Variants in YEATS2 observed in about 807,000 individuals in gnomAD.
YEATS2 encodes YEATS domain containing 2.
In YEATS2, 77 loss-of-function variants were observed where a neutral mutation model predicts 163.2. The observed-to-expected ratio is 0.47, with a 90% confidence interval of 0.39 to 0.57. The LOEUF (loss-of-function observed/expected upper bound fraction) is 0.57. Among genes scored for constraint, YEATS2 ranks in the 20% least tolerant of loss-of-function variants. YEATS2 has a pLI of 0.00. For missense variants in YEATS2, 1,549 were observed against 1,729.8 expected, an observed-to-expected ratio of 0.90 and a Z score of 1.85; for synonymous variants, 631 against 645.1, an observed-to-expected ratio of 0.98 and a Z score of 0.33.
At chr3:183,748,035 G>A (rs1719741788) in intron 9 of YEATS2, among the ~76,000 whole-genome samples, 1 of 151,672 alleles carries the variant, frequency 6.6e-6, no homozygotes, top group South Asian at 2.1e-4. Flanking sequence ...AAAAATTAGT[G>A]TTAGTTTTTT....
At chr3:183,712,761 C>A (rs936511633) in intron 1 of YEATS2, among the ~76,000 whole-genome samples, 2 of 134,172 alleles carry the variant, frequency 1.5e-5, no homozygotes, top group East Asian at 2.4e-4. Flanking sequence ...AATACTAATA[C>A]AAATTTTTTT....
In YEATS2 at chr3:183,810,883, A is replaced by C; in HGVS notation, c.*300A>C. 2.9e-6 allele frequency: 1 copy of C among 346,414 alleles called. No homozygotes were observed. The highest frequency in any genetic ancestry group is 5.5e-6 in the Non-Finnish European group (1 of 182,082). The allele number at this position is 346,414 out of a possible 1,614,324, so 21.5% of individuals were successfully genotyped here. On this transcript the variant is annotated 3_prime_UTR_variant, in exon 31 of 31. Transcript: ENST00000305135. ...GAGAGCGGGCCAGGCCGTGTGCCTC[A>C]GGCCCTTCTCCCTGGGTGTGCTTAA...
intron 4 of YEATS2, among the ~76,000 whole-genome samples, chr3:183,721,296 C>T (rs1394491315): frequency 6.6e-6 from 1 of 152,172 alleles, no homozygotes; most frequent in Admixed American, 6.5e-5. Flanking sequence ...TTTAATAACA[C>T]AGTTTTTAAA....
chr3:183,717,596 TA>T, intron 2 of YEATS2, 54 bp from the exon 3 acceptor site: 1 of 1,317,750 alleles, frequency 7.6e-7, no homozygotes, highest in Non-Finnish European at 1.0e-6. Flanking sequence ...CTGACTTAAA[TA>T]AAGACAGTCA....
Position 183,786,214 on chromosome 3 carries a change from A to C in YEATS2, c.2826A>C (p.Gly942=). ...CCACCTCACAGCTCTCGAAGCCTGG[A>C]ACCACAATGCTGAGAGTAGCAGGAG... ...VPATSQLSKP[G]TTMLRVAGGV... is the part of the protein sequence containing the mutation. Residue 942 remains glycine (G), a synonymous_variant, in exon 20 of 31, where the codon GGA becomes GGC. Coordinates refer to ENST00000305135, the MANE Select transcript of YEATS2 (RefSeq NM_018023.5). 1 of 1,614,178 alleles carries C rather than the reference A, an allele frequency of 6.2e-7. No individual in the cohort carries two copies. Among genetic ancestry groups the C allele is most frequent in the Non-Finnish European group, 8.5e-7 (1 of 1,180,028 alleles).
intron 10 of YEATS2, 51 bp downstream of exon 10, chr3:183,752,304 C>G (rs1337914722): frequency 6.2e-7 from 1 of 1,604,314 alleles, no homozygotes. Context: ...ATTCCTTTCC[C>G]ATTTGCTGCT....
intron 15 of YEATS2, among the ~76,000 whole-genome samples, chr3:183,764,916 A>T (rs1373091926): frequency 6.6e-6 from 1 of 152,346 alleles, no homozygotes; most frequent in Non-Finnish European, 1.5e-5. Flanking sequence ...GCTGATAGCT[A>T]CCTAGGCCAC....
intron 15 of YEATS2, among the ~76,000 whole-genome samples, chr3:183,770,870 G>A (rs907507145): frequency 1.3e-4 from 20 of 151,832 alleles, no homozygotes; most frequent in African/African-American, 4.8e-4. Flanking sequence ...ATGACCTTTC[G>A]TTGTCTGTTT....
chr3:183,747,485 ATGTC>A (rs1177774781), intron 8 of YEATS2, among the ~76,000 whole-genome samples, 183 bp from the exon 9 acceptor site: 1 of 152,084 alleles, frequency 6.6e-6, no homozygotes, highest in Non-Finnish European at 1.5e-5. Context: ...TAGTAACTAT[ATGTC>A]TGAGGTTTTT....
rs554652908 is a variant in YEATS2 at position 183,717,533 on chromosome 3, A to G, written c.101-118A>G. Reference sequence around the variant, plus strand: ...TCATCACTTGGTTAAGGTGATGTCCACTAGGTTTCTCCACTTTAGAGTTAC... The same window carrying G: ...TCATCACTTGGTTAAGGTGATGTCCGCTAGGTTTCTCCACTTTAGAGTTAC... On this transcript the variant is annotated intron_variant, in intron 2 of 30. Transcript: ENST00000305135. 1.5e-3 allele frequency: 1,006 copies of G among 692,974 alleles called. 1 individual carries two copies. The highest frequency in any genetic ancestry group is 2.1e-3 in the Non-Finnish European group (883 of 420,314). The allele number at this position is 692,974 out of a possible 1,614,324, so 42.9% of individuals were successfully genotyped here.
At position 183,811,600 on chromosome 3, in the gene YEATS2, G is replaced by A. The variant is rs927934946; in HGVS notation, c.*1017G>A. ...GTAACTGCCCATGCCCAGAAATAAGGATGCCAGTGCCCAGAAGCAGTGAGA... is the reference window on the plus strand; with the variant it reads ...GTAACTGCCCATGCCCAGAAATAAGAATGCCAGTGCCCAGAAGCAGTGAGA... On this transcript the variant is annotated 3_prime_UTR_variant, in exon 31 of 31. Coordinates refer to ENST00000305135, the MANE Select transcript of YEATS2 (RefSeq NM_018023.5). 1 of 152,616 alleles carries A rather than the reference G, an allele frequency of 6.6e-6. No individual in the cohort carries two copies. The highest frequency in any genetic ancestry group is 2.4e-5 in the African/African-American group (1 of 41,442). The allele number at this position is 152,616 out of a possible 1,614,324, so 9.5% of individuals were successfully genotyped here.
intron 17 of YEATS2, among the ~76,000 whole-genome samples, chr3:183,775,186 A>G (rs566268299): frequency 7.5e-4 from 115 of 152,332 alleles, no homozygotes; most frequent in African/African-American, 2.5e-3. Context: ...TTCCTGAGAC[A>G]GGGAGACAAC....
intron 22 of YEATS2, 82 bp downstream of exon 22, chr3:183,798,133 T>TG: frequency 6.3e-7 from 1 of 1,578,318 alleles, no homozygotes; most frequent in Non-Finnish European, 8.6e-7. Context: ...CTGCTCTGCC[T>TG]GTGTACAGCC....
intron 2 of YEATS2, 114 bp downstream of exon 2, chr3:183,715,376 C>T (rs1285564387): frequency 1.4e-5 from 10 of 732,296 alleles, no homozygotes; most frequent in South Asian, 1.1e-4. Context: ...TGAAGGGGTT[C>T]GTGAGAGAGA....
chr3:183,808,901 T>TC, intron 29 of YEATS2, 196 bp from the exon 30 acceptor site: 1 of 546,870 alleles, frequency 1.8e-6, no homozygotes, highest in Non-Finnish European at 3.3e-6. Context: ...TGAAAATCAC[T>TC]CCAATTCATA....
At chr3:183,758,477 T>C (rs767555636) in intron 12 of YEATS2, among the ~76,000 whole-genome samples, 21 of 152,358 alleles carry the variant, frequency 1.4e-4, no homozygotes, top group Non-Finnish European at 2.8e-4. Context: ...AGTATCATTA[T>C]GTTGTAGTGT....
intron 1 of YEATS2, among the ~76,000 whole-genome samples, chr3:183,706,044 A>T (rs1262611142): frequency 6.6e-6 from 1 of 152,116 alleles, no homozygotes; most frequent in African/African-American, 2.4e-5. Flanking sequence ...TTCAAAAAAA[A>T]AAAAAAAATC....
intron 2 of YEATS2, among the ~76,000 whole-genome samples, chr3:183,717,022 A>G (rs1715961843): frequency 6.6e-6 from 1 of 151,448 alleles, no homozygotes; most frequent in African/African-American, 2.4e-5. Context: ...CCTCCCAAGT[A>G]GCTGGGATTA....
Position 183,748,482 on chromosome 3 carries a change from C to G in YEATS2, c.969+766C>G, listed in dbSNP as rs367947041. Among the ~76,000 whole-genome samples the G allele has an allele frequency of 1.4e-4, 21 of 152,250 alleles. 1 individual carries two copies. Among genetic ancestry groups the G allele is most frequent in the Admixed American group, 5.2e-4 (8 of 15,280 alleles). ...GGTCAGGCTGCTCTCGAACTGCTGA[C>G]TGCTCTCGAACTGCCTGACCTCAGG... On this transcript the variant is annotated intron_variant, in intron 9 of 30. Transcript: ENST00000305135.
Sources: gnomAD v4.1 joint callset for allele counts (sites outside exome capture counted in the v4.1 genomes callset) on GRCh38, gnomAD v4.1.1 for gene constraint, MANE v1.5 for transcripts, NCBI Gene and HGNC (gene_info 2026-07-23, HGNC 2026-07-21) for gene names.